The following RBFOX1 variants were observed in gnomAD, a reference collection of about 807,000 sequenced individuals.
RBFOX1 encodes RNA binding fox-1 homolog 1.
Under a neutral mutation model 57.7 loss-of-function variants are expected in RBFOX1, and 8 were observed. The ratio of observed to expected loss-of-function variants is 0.14; its 90% CI spans 0.08 to 0.25. The LOEUF is 0.25. RBFOX1 is among the 10% of genes least tolerant of loss of function. RBFOX1 has a pLI of 1.00. For missense variants in RBFOX1, 611 were observed against 548.5 expected (o/e 1.11, Z -1.14); for synonymous variants, 326 against 222.4 (o/e 1.47, Z -4.15).
intron 1 of RBFOX1, among the ~76,000 whole-genome samples, chr16:5,250,484 C>T (rs1180694051): frequency 6.6e-6 from 1 of 152,208 alleles, no homozygotes; most frequent in Non-Finnish European, 1.5e-5. Flanking sequence ...CATGTGTTCT[C>T]ATTGTTCAAC....
chr16:6,802,352 G>C lies in RBFOX1; in HGVS notation c.-16+147702G>C, dbSNP rs887786284. On this transcript the variant is annotated intron_variant, in intron 3 of 15. Coordinates refer to ENST00000550418, the MANE Select transcript of RBFOX1 (RefSeq NM_018723.4). ...GAATTTCATTGCTTGGATGTTATTT[G>C]ACATTTCCCTTTTAACAGTTAATGT... Among the ~76,000 whole-genome samples, 33 of 152,118 alleles carry C rather than the reference G, an allele frequency of 2.2e-4. 1 individual carries two copies. The highest frequency in any genetic ancestry group is 7.5e-4 in the African/African-American group (31 of 41,428).
intron 3 of RBFOX1, among the ~76,000 whole-genome samples, chr16:5,860,860 C>A (rs1196934791): frequency 1.3e-5 from 2 of 152,192 alleles, no homozygotes; most frequent in African/African-American, 4.8e-5. Context: ...ACTCACGCAG[C>A]ATCTTTGATG....
chr16:7,485,682 G>A (rs1378788422), intron 4 of RBFOX1, among the ~76,000 whole-genome samples: 1 of 152,148 alleles, frequency 6.6e-6, no homozygotes. Flanking sequence ...CATCTATTTT[G>A]TTATTATGTG....
intron 2 of RBFOX1, among the ~76,000 whole-genome samples, chr16:5,479,123 G>A (rs2069432278): frequency 2.0e-5 from 3 of 152,116 alleles, no homozygotes; most frequent in South Asian, 4.1e-4. Flanking sequence ...ATAAAAATGC[G>A]GTCACAGTTT....
intron 2 of RBFOX1, among the ~76,000 whole-genome samples, chr16:6,383,234 A>G (rs2091973109): frequency 6.6e-6 from 1 of 152,250 alleles, no homozygotes; most frequent in Non-Finnish European, 1.5e-5. Flanking sequence ...TGAAATAGAT[A>G]TCAAATCTGA....
At chr16:7,297,220 C>T (rs948077432) in intron 4 of RBFOX1, among the ~76,000 whole-genome samples, 2 of 152,212 alleles carry the variant, frequency 1.3e-5, no homozygotes, top group African/African-American at 4.8e-5. Context: ...TTATTTTCCA[C>T]ATCTTCCTGC....
intron 1 of RBFOX1, among the ~76,000 whole-genome samples, chr16:5,338,066 T>C (rs922889826): frequency 6.6e-6 from 1 of 152,046 alleles, no homozygotes; most frequent in Admixed American, 6.6e-5. Context: ...GAAAATAATT[T>C]ATAGCTTTCT....
intron 4 of RBFOX1, among the ~76,000 whole-genome samples, chr16:7,166,969 G>GTTTTTTTTTTTTT (rs1555527093): frequency 2.0e-5 from 1 of 49,868 alleles, no homozygotes; most frequent in Non-Finnish European, 3.9e-5. Flanking sequence ...CTGCATTGGT[G>GTTTTTTTTTTTTT]TTCTTTTTTT....
At chr16:6,135,417 G>C in intron 1 of RBFOX1, among the ~76,000 whole-genome samples, 1 of 152,132 alleles carries the variant, frequency 6.6e-6, no homozygotes, top group South Asian at 2.1e-4. Flanking sequence ...TTTGCATTTA[G>C]CTTGTTTTAA....
chr16:7,303,313 C>G (rs2096077028), intron 4 of RBFOX1, among the ~76,000 whole-genome samples: 1 of 152,130 alleles, frequency 6.6e-6, no homozygotes, highest in South Asian at 2.1e-4. Flanking sequence ...TCAGCCCAAG[C>G]TCCCTCCTGC....
At chr16:7,101,757 C>T (rs1033763841) in intron 4 of RBFOX1, among the ~76,000 whole-genome samples, 1 of 152,086 alleles carries the variant, frequency 6.6e-6, no homozygotes, top group Admixed American at 6.6e-5. Context: ...TGCTCTGATG[C>T]CTGTCCTGGT....
intron 3 of RBFOX1, among the ~76,000 whole-genome samples, chr16:6,761,334 G>C (rs1366345761): frequency 6.6e-6 from 1 of 151,990 alleles, no homozygotes; most frequent in African/African-American, 2.4e-5. Flanking sequence ...AATGTCACTT[G>C]TATATGTTTA....
At chr16:5,975,714 C>CA (rs1555460205) in intron 4 of RBFOX1, among the ~76,000 whole-genome samples, 1 of 152,162 alleles carries the variant, frequency 6.6e-6, no homozygotes, top group Non-Finnish European at 1.5e-5. Context: ...AGCTTAATGT[C>CA]AAAATGCTTG....
intron 4 of RBFOX1, among the ~76,000 whole-genome samples, chr16:7,086,118 C>A (rs954885750): frequency 6.6e-6 from 1 of 152,116 alleles, no homozygotes; most frequent in Non-Finnish European, 1.5e-5. Context: ...AGCCAGTATG[C>A]ATCTTGATGG....
At chr16:7,298,205 A>G (rs1214708102) in intron 4 of RBFOX1, among the ~76,000 whole-genome samples, 2 of 150,126 alleles carry the variant, frequency 1.3e-5, no homozygotes, top group Admixed American at 6.6e-5. Flanking sequence ...GCTGTTTATT[A>G]TAGTTGACCC....
intron 2 of RBFOX1, among the ~76,000 whole-genome samples, chr16:5,543,495 A>G (rs1379209461): frequency 6.6e-6 from 1 of 152,242 alleles, no homozygotes; most frequent in Non-Finnish European, 1.5e-5. Flanking sequence ...TTAAACACAT[A>G]GAGAACAATA....
chr16:6,767,065 G>T (rs1055888010), intron 3 of RBFOX1, among the ~76,000 whole-genome samples: 1 of 152,072 alleles, frequency 6.6e-6, no homozygotes, highest in Admixed American at 6.5e-5. Context: ...CATCTATTCA[G>T]TATCCATTTC....
Position 5,402,918 on chromosome 16 carries a change from A to C in RBFOX1, c.220-64298A>C, listed in dbSNP as rs531073567. ...GATAATTAACAACCAGAAAATAAAC[A>C]GTAAAATATCAGTGCAGCATTTATC... On this transcript the variant is annotated intron_variant, in intron 1 of 2. Coordinates refer to the RBFOX1 transcript ENST00000585867. Among the ~76,000 whole-genome samples the C allele has an allele frequency of 4.6e-5, 7 of 152,366 alleles. 1 individual carries two copies. In the South Asian group the frequency reaches 1.4e-3, roughly 32 times the overall value.
intron 3 of RBFOX1, among the ~76,000 whole-genome samples, chr16:5,666,484 A>C (rs140685306): frequency 6.6e-6 from 1 of 152,316 alleles, no homozygotes; most frequent in African/African-American, 2.4e-5. Flanking sequence ...TAGATCCCAG[A>C]AATAGAGCGA....
Sources: allele counts gnomAD v4.1 joint callset (sites outside exome capture counted in the v4.1 genomes callset), GRCh38; gene constraint gnomAD v4.1.1; transcripts MANE v1.5; gene names NCBI Gene and HGNC (gene_info 2026-07-23, HGNC 2026-07-21).